The following ADA2 variants were observed in gnomAD, a reference collection of about 807,000 sequenced individuals.
The protein encoded by ADA2 is adenosine deaminase 2.
ADA2 carries 29 observed loss-of-function variants against 44.2 expected under a neutral mutation model. The ratio of observed to expected loss-of-function variants is 0.66; its 90% CI spans 0.49 to 0.89. The LOEUF (loss-of-function observed/expected upper bound fraction) is 0.89, where lower values mean the gene tolerates loss of function less well. Ranked by LOEUF, ADA2 falls within the 40% of genes least tolerant of loss-of-function variation. The pLI is 0.00. For missense variants in ADA2, 637 were observed against 644.8 expected, an observed-to-expected ratio of 0.99 and a Z score of 0.13; for synonymous variants, 215 against 234.9, an observed-to-expected ratio of 0.92 and a Z score of 0.77.
rs761231991 is a variant in ADA2 at position 17,209,649 on chromosome 22, G to C, written c.29C>G (p.Pro10Arg). ...AGCCAACAGCAAGAAGCACAGGGCT[G>C]GCCGCTCAGATGGGCCATCCACCAA... MLVDGPSER[P>R]ALCFLLLAVA... Residue 10 changes from proline to arginine, a missense_variant, in exon 2 of 10, where the codon CCA (proline) becomes CGA (arginine). Pro to Arg is a moderately radical substitution (Grantham distance 103). Coordinates refer to ENST00000399837, the MANE Select transcript of ADA2 (RefSeq NM_001282225.2). 6.2e-7 allele frequency: 1 copy of C among 1,613,394 alleles called. No individual in the cohort carries two copies.
chr22:17,220,331 A>G (rs2062514229), upstream of ADA2, among the ~76,000 whole-genome samples: 1 of 152,092 alleles, frequency 6.6e-6, no homozygotes, highest in Admixed American at 6.5e-5. Flanking sequence ...AGGCTCCTGT[A>G]CCCAGGACGG....
rs1265041053 is a variant in ADA2 at position 17,208,423 on chromosome 22, C to CA, written c.322+932dup. Among the ~76,000 whole-genome samples, 83 of 69,408 alleles carry CA rather than the reference C, an allele frequency of 1.2e-3. No individual in the cohort carries two copies. In the South Asian group the frequency reaches 0.013, roughly 11 times the overall value. 45.5% of individuals were successfully genotyped at this position (69,408 alleles called of 152,430 possible). A position where few individuals can be genotyped will look rare whatever the true frequency, so the allele number is the denominator to read the frequency against. ...TGGGCGACAGAACAAGACTCCGTCT[C>CA]AAAAAAAAAAAGAAAAAAAAAGAAA... On this transcript the variant is annotated intron_variant, in intron 2 of 9. Transcript: ENST00000399837.
In ADA2 at chr22:17,209,456, G is replaced by A. The variant is rs1333972157; in HGVS notation, c.222C>T (p.Ala74=). The A allele has an allele frequency of 3.7e-6, 6 of 1,614,088 alleles. No individual in the cohort carries two copies. Among genetic ancestry groups the A allele is most frequent in the Non-Finnish European group, 5.1e-6 (6 of 1,180,004 alleles). Residue 74 remains alanine, a synonymous_variant, in exon 2 of 10, where the codon GCC becomes GCT. Coordinates refer to ENST00000399837, the MANE Select transcript of ADA2 (RefSeq NM_001282225.2). ...MTLKIAEMKE[A]MRTLIFPPSM... is the part of the protein sequence containing the mutation. ...TGGGTGGGAATATCAGGGTCCTCAT[G>A]GCCTCCTTCATCTCAGCGATTTTGA...
At chr22:17,193,675 A>C (rs1203298988) in intron 4 of ADA2, among the ~76,000 whole-genome samples, 2 of 114,242 alleles carry the variant, frequency 1.8e-5, no homozygotes, top group Non-Finnish European at 3.9e-5. Flanking sequence ...CTTAAAAAAA[A>C]ACTAAAAAAA....
intron 4 of ADA2, chr22:17,192,850 C>A: frequency 2.5e-6 from 1 of 396,104 alleles, no homozygotes; most frequent in Non-Finnish European, 4.8e-6. Flanking sequence ...AGGGGGGGCC[C>A]TCTCTCTTCC....
At chr22:17,185,866 G>A (rs1216145164) in intron 7 of ADA2, among the ~76,000 whole-genome samples, 4 of 152,346 alleles carry the variant, frequency 2.6e-5, no homozygotes, top group Non-Finnish European at 5.9e-5. Context: ...CAGGTGGGAT[G>A]CTGAAGAGAG....
intron 1 of ADA2, chr22:17,214,187 G>A (rs1331914977): frequency 2.1e-5 from 13 of 609,734 alleles, no homozygotes; most frequent in South Asian, 1.1e-4. Context: ...GAGCAGCATC[G>A]AGGGTTGGCA....
At position 17,180,552 on chromosome 22, in the gene ADA2, A is replaced by G. The variant is rs2061957729; in HGVS notation, c.*931T>C. 6.6e-6 allele frequency: 1 copy of G among 152,016 alleles called. No homozygotes were observed. The highest frequency in any genetic ancestry group is 6.6e-5 in the Admixed American group (1 of 15,228). 9.4% of individuals were successfully genotyped at this position (152,016 alleles called of 1,614,324 possible). The stretch of plus-strand genomic sequence containing the variant: ...GGTGGCTCATGTCAGTAATCCCAGC[A>G]CTTCGGGAGACTGCGGCAGGAGGAT... On this transcript the variant is annotated 3_prime_UTR_variant, in exon 10 of 10. Transcript: ENST00000399837.
intron 6 of ADA2, chr22:17,188,738 G>T: frequency 5.3e-6 from 1 of 189,786 alleles, no homozygotes; most frequent in Non-Finnish European, 1.1e-5. Flanking sequence ...AATTATCCAG[G>T]TGTGGTAGCG....
intron 1 of ADA2, chr22:17,214,091 A>G (rs1410255010): frequency 3.2e-6 from 2 of 633,572 alleles, no homozygotes; most frequent in Non-Finnish European, 3.0e-6. Context: ...CAGAGAGTGG[A>G]GGACTTCAAC....
chr22:17,199,413 G>GTCTCCTCCCTCCCCTCCTCTATCCTCT, intron 4 of ADA2: 1 of 158,130 alleles, frequency 6.3e-6, no homozygotes, highest in Non-Finnish European at 1.1e-5. Flanking sequence ...CTGTCTCAGC[G>GTCTCCTCCCTCCCCTCCTCTATCCTCT]TCTCCTCCCT....
At chr22:17,196,012 G>A (rs1218888476) in intron 4 of ADA2, among the ~76,000 whole-genome samples, 1 of 151,808 alleles carries the variant, frequency 6.6e-6, no homozygotes, top group South Asian at 2.1e-4. Flanking sequence ...CTCCCAAAGC[G>A]CTGGGATTAC....
chr22:17,197,657 A>G (rs2062209706), intron 4 of ADA2, among the ~76,000 whole-genome samples: 1 of 152,236 alleles, frequency 6.6e-6, no homozygotes, highest in African/African-American at 2.4e-5. Context: ...AGGCATATGC[A>G]GGGGGCTTTA....
chr22:17,205,569 A>G (rs1201036752), intron 3 of ADA2, among the ~76,000 whole-genome samples: 1 of 152,230 alleles, frequency 6.6e-6, no homozygotes, highest in Admixed American at 6.5e-5. Context: ...GTGTCCTTGC[A>G]TAAGCTAATT....
intron 4 of ADA2, chr22:17,193,206 C>A (rs2123658327): frequency 4.9e-6 from 6 of 1,226,796 alleles, no homozygotes; most frequent in Non-Finnish European, 7.1e-6. Context: ...ACATCGCTCA[C>A]AACGTTTCCT....
upstream of ADA2, chr22:17,219,626 G>A (rs558870672): frequency 1.4e-5 from 2 of 144,970 alleles, no homozygotes; most frequent in African/African-American, 2.6e-5. Flanking sequence ...GGGTGTTTGT[G>A]TGTTCGTGTG....
chr22:17,221,437 A>G (rs1191411326), upstream of ADA2, among the ~76,000 whole-genome samples: 1 of 149,124 alleles, frequency 6.7e-6, no homozygotes, highest in Non-Finnish European at 1.5e-5. Context: ...TCCCTCCCCC[A>G]GCCCCGACCC....
chr22:17,191,756 G>A lies in ADA2; in HGVS notation c.808C>T (p.Gln270Ter). The change falls in exon 5 of 10, where the codon CAG becomes TAG. Residue 270 changes from glutamine to a stop codon, truncating the protein, a stop_gained. Coordinates refer to ENST00000399837, the MANE Select transcript of ADA2 (RefSeq NM_001282225.2). LOFTEE classifies it high-confidence loss of function. ...HDEEWSVKTY[Q>*]EVAQKFVETH... ...TCCACAAACTTCTGAGCTACTTCCT[G>A]GTAAGTCTTCACTGACCACTCTTCG... The A allele has an allele frequency of 6.2e-7, 1 of 1,613,484 alleles. No individual in the cohort carries two copies. The highest frequency in any genetic ancestry group is 8.5e-7 in the Non-Finnish European group (1 of 1,179,546).
chr22:17,215,352 G>C (rs1348047331), intron 1 of ADA2, among the ~76,000 whole-genome samples: 2 of 150,604 alleles, frequency 1.3e-5, no homozygotes, highest in African/African-American at 4.8e-5. Flanking sequence ...TGTAATCCCA[G>C]CACTTTGGGA....
Sources: allele counts gnomAD v4.1 joint callset (sites outside exome capture counted in the v4.1 genomes callset), GRCh38; gene constraint gnomAD v4.1.1; transcripts MANE v1.5; gene names NCBI Gene and HGNC (gene_info 2026-07-23, HGNC 2026-07-21).